The following ARL1 variants were observed in gnomAD, a reference collection of about 807,000 sequenced individuals.
ARL1 encodes the protein ARF like GTPase 1.
A neutral mutation model predicts 30.1 loss-of-function variants in ARL1; 17 were observed. That is an observed-to-expected ratio of 0.56 (90% CI 0.39 to 0.85). The LOEUF is 0.85. Among genes scored for constraint, ARL1 ranks in the 40% least tolerant of loss-of-function variants. The pLI, the probability that ARL1 is intolerant of heterozygous loss-of-function variation, is 0.00. For synonymous variants in ARL1, 58 were observed against 71.7 expected (o/e 0.81, Z 0.97); for missense variants, 102 against 212.6 (o/e 0.48, Z 3.24).
In ARL1 at chr12:101,407,637, C is replaced by A; in HGVS notation, c.4+5G>T. ...GCGCCCAGGTGCCCTTCTCGAACCC[C>A]TCACCCATGATGAACCCCCTGTCCT... On this transcript the variant is annotated splice_donor_5th_base_variant and intron_variant, in intron 1 of 5. Coordinates refer to ENST00000261636, the MANE Select transcript of ARL1 (RefSeq NM_001177.6). The A allele has an allele frequency of 1.9e-6, 3 of 1,611,650 alleles. No individual in the cohort carries two copies. Among genetic ancestry groups the A allele is most frequent in the Non-Finnish European group, 2.5e-6 (3 of 1,179,796 alleles).
intron 5 of ARL1, among the ~76,000 whole-genome samples, 175 bp from the exon 6 acceptor site, chr12:101,395,845 T>C (rs1168650056): frequency 6.6e-6 from 1 of 152,218 alleles, no homozygotes; most frequent in Non-Finnish European, 1.5e-5. Context: ...TGAATTTGTC[T>C]ATGATTTGAA....
chr12:101,401,598 T>G (rs1459270169), intron 3 of ARL1: 2 of 129,382 alleles, frequency 1.5e-5, no homozygotes, highest in Non-Finnish European at 3.0e-5. Context: ...ATGGTGCCAT[T>G]GCACTCCAGC....
rs1034169092 is a variant in ARL1, at chr12:101,394,932, C to T, written c.*708G>A. The stretch of plus-strand genomic sequence containing the variant: ...AGCAGGTGACCTTGGGCAAGCCAAC[C>T]TATTAGAACCCTGGGTTCACGTCCA... On this transcript the variant is annotated 3_prime_UTR_variant, in exon 6 of 6. Transcript: ENST00000261636. The T allele has an allele frequency of 6.6e-6, 1 of 152,064 alleles. No individual in the cohort carries two copies. Among genetic ancestry groups the T allele is most frequent in the African/African-American group, 2.4e-5 (1 of 41,392 alleles). 9.4% of individuals were successfully genotyped at this position (152,064 alleles called of 1,614,324 possible).
chr12:101,405,782 AAT>A, intron 2 of ARL1, 60 bp downstream of exon 2: 1 of 1,464,000 alleles, frequency 6.8e-7, no homozygotes, highest in Non-Finnish European at 9.1e-7. Flanking sequence ...GAAAGAAAGA[AAT>A]AGTTATGTTG....
rs1871427332 is a variant in ARL1, at chr12:101,405,913, A to G, written c.73T>C (p.Leu25=). ...TREMRILILG[L]DGAGKTTILY... ...ATTGTGGTTTTTCCTGCTCCATCTA[A>G]TCCCAAAATTAAAATTCTCATTTCC... The change falls in exon 2 of 6, where the codon TTA becomes CTA. Residue 25 remains leucine (L), a synonymous_variant. Transcript: ENST00000261636. 1.9e-6 allele frequency: 3 copies of G among 1,568,372 alleles called. No individual in the cohort carries two copies.
At chr12:101,400,775 A>T (rs1871285265) in intron 4 of ARL1, among the ~76,000 whole-genome samples, 1 of 152,250 alleles carries the variant, frequency 6.6e-6, no homozygotes, top group Admixed American at 6.5e-5. Flanking sequence ...TTTAAAAGTC[A>T]CATCAAAGAA....
At chr12:101,399,085 G>A (rs1871230427) in intron 4 of ARL1, among the ~76,000 whole-genome samples, 1 of 151,104 alleles carries the variant, frequency 6.6e-6, no homozygotes, top group Non-Finnish European at 1.5e-5. Context: ...TTTGGTCTAA[G>A]AAGCTCTTAT....
intron 5 of ARL1, 51 bp from the exon 6 acceptor site, chr12:101,395,721 C>T: frequency 7.6e-7 from 1 of 1,309,046 alleles, no homozygotes; most frequent in South Asian, 1.3e-5. Flanking sequence ...AGGTATAAAG[C>T]ATGATCATCT....
At chr12:101,400,567 C>T (rs1052117950) in intron 4 of ARL1, among the ~76,000 whole-genome samples, 2 of 152,008 alleles carry the variant, frequency 1.3e-5, no homozygotes, top group Admixed American at 6.6e-5. Flanking sequence ...TCCAAGCAGA[C>T]GGATCAGCAA....
chr12:101,396,101 A>G (rs1871143346), intron 5 of ARL1: 2 of 590,612 alleles, frequency 3.4e-6, no homozygotes, highest in South Asian at 4.3e-5. Flanking sequence ...AAAGCTCTTC[A>G]GAAGAGAGTC....
rs564478822 is a variant in ARL1 at position 101,394,091 on chromosome 12, A to G, written c.*1549T>C. 6.6e-6 allele frequency: 1 copy of G among 152,182 alleles called. No individual in the cohort carries two copies. Among genetic ancestry groups the G allele is most frequent in the South Asian group, 2.1e-4 (1 of 4,816 alleles). 9.4% of individuals were successfully genotyped at this position (152,182 alleles called of 1,614,324 possible). On this transcript the variant is annotated 3_prime_UTR_variant, in exon 6 of 6. Coordinates refer to ENST00000261636, the MANE Select transcript of ARL1 (RefSeq NM_001177.6). ...CTCCAAAAAAGATTTCAAAGAGACTAAAGTAGGAATGGGTGCTGGAGAATG... is the reference window on the plus strand; with the variant it reads ...CTCCAAAAAAGATTTCAAAGAGACTGAAGTAGGAATGGGTGCTGGAGAATG...
intron 1 of ARL1, 85 bp downstream of exon 1, chr12:101,407,557 T>C: frequency 6.3e-7 from 1 of 1,580,292 alleles, no homozygotes. Flanking sequence ...TAGGGTATCC[T>C]GGCCGGCCCC....
intron 1 of ARL1, among the ~76,000 whole-genome samples, chr12:101,406,460 G>A (rs544022637): frequency 1.3e-5 from 2 of 152,164 alleles, no homozygotes; most frequent in East Asian, 3.9e-4. Context: ...TGAGAAAAAA[G>A]CTGAAAACAA....
At chr12:101,403,371 C>A in intron 2 of ARL1, 1 of 313,026 alleles carries the variant, frequency 3.2e-6, no homozygotes, top group South Asian at 2.9e-5. Flanking sequence ...TTAAACTCCC[C>A]TCATAATAGA....
In ARL1 at chr12:101,396,670, ATAAT is replaced by A. The variant is rs78306115; in HGVS notation, c.337-97_337-94del. 2,826 of 917,000 alleles carry A rather than the reference ATAAT, an allele frequency of 3.1e-3. 41 individuals carry two copies. In the East Asian group the frequency reaches 0.034, roughly 11 times the overall value. 56.8% of individuals were successfully genotyped at this position (917,000 alleles called of 1,614,324 possible). A position where few individuals can be genotyped will look rare whatever the true frequency, so the allele number is the denominator to read the frequency against. On this transcript the variant is annotated intron_variant, in intron 4 of 5. Coordinates refer to ENST00000261636, the MANE Select transcript of ARL1 (RefSeq NM_001177.6). Reference sequence around the variant, plus strand: ...AAAATACATTTTAAACGTGTATTTTATAATTAATATATTACACATTATGAAATTA... The same window carrying A: ...AAAATACATTTTAAACGTGTATTTTATAATATATTACACATTATGAAATTA...
At chr12:101,400,243 T>C (rs1358895994) in intron 4 of ARL1, 2 of 149,746 alleles carry the variant, frequency 1.3e-5, no homozygotes, top group Admixed American at 6.7e-5. Context: ...AACAAATACA[T>C]TTAAAAATAA....
rs562720573 is a variant in ARL1 at position 101,393,510 on chromosome 12, C to T, written c.*2130G>A. ...GCCAGGCCTCTCATAAAACAATATTCAGATTTGCCATGTATATATCAATAT... is the reference window on the plus strand; with the variant it reads ...GCCAGGCCTCTCATAAAACAATATTTAGATTTGCCATGTATATATCAATAT... On this transcript the variant is annotated 3_prime_UTR_variant, in exon 6 of 6. Transcript: ENST00000261636. The T allele has an allele frequency of 6.6e-6, 1 of 152,278 alleles. No individual in the cohort carries two copies. Among genetic ancestry groups the T allele is most frequent in the South Asian group, 2.1e-4 (1 of 4,832 alleles). 9.4% of individuals were successfully genotyped at this position (152,278 alleles called of 1,614,324 possible).
intron 5 of ARL1, 150 bp from the exon 6 acceptor site, chr12:101,395,820 G>C (rs1214386040): frequency 3.4e-6 from 2 of 588,352 alleles, no homozygotes; most frequent in Non-Finnish European, 6.0e-6. Flanking sequence ...ATATCCATAA[G>C]GTTCCTCTAA....
In ARL1 at chr12:101,394,795, G is replaced by C. The variant is rs147050057; in HGVS notation, c.*845C>G. 2 of 152,142 alleles carry C rather than the reference G, an allele frequency of 1.3e-5. No individual in the cohort carries two copies. Among genetic ancestry groups the C allele is most frequent in the African/African-American group, 2.4e-5 (1 of 41,518 alleles). The allele number at this position is 152,142 out of a possible 1,614,324, so 9.4% of individuals were successfully genotyped here. A position where few individuals can be genotyped will look rare whatever the true frequency, so the allele number is the denominator to read the frequency against. On this transcript the variant is annotated 3_prime_UTR_variant, in exon 6 of 6. Coordinates refer to ENST00000261636, the MANE Select transcript of ARL1 (RefSeq NM_001177.6). ...AACTAATTAGCATAATTTTATTTAA[G>C]AGTTAGACTGTGTTGTCAATACTGA...
Sources: gnomAD v4.1 joint callset for allele counts (sites outside exome capture counted in the v4.1 genomes callset) on GRCh38, gnomAD v4.1.1 for gene constraint, MANE v1.5 for transcripts, NCBI Gene and HGNC (gene_info 2026-07-23, HGNC 2026-07-21) for gene names.